Variants in SEMA6D observed in about 807,000 individuals in gnomAD.
SEMA6D encodes semaphorin 6D, also known as semaphorin-6D.
Under a neutral mutation model 106.6 loss-of-function variants are expected in SEMA6D, and 35 were observed. The ratio of observed to expected loss-of-function variants is 0.33; its 90% CI spans 0.25 to 0.44. SEMA6D has a LOEUF of 0.44. Among genes scored for constraint, SEMA6D ranks in the 20% least tolerant of loss-of-function variants. The pLI, the probability that SEMA6D is intolerant of heterozygous loss-of-function variation, is 1.00. For missense variants in SEMA6D, 1,185 were observed against 1,345.9 expected, an observed-to-expected ratio of 0.88 and a Z score of 1.87; for synonymous variants, 499 against 487.7, an observed-to-expected ratio of 1.02 and a Z score of -0.31.
intron 1 of SEMA6D, among the ~76,000 whole-genome samples, chr15:47,290,935 T>C (rs2035569984): frequency 6.6e-6 from 1 of 152,222 alleles, no homozygotes; most frequent in Non-Finnish European, 1.5e-5. Flanking sequence ...TACAAAGACA[T>C]GGAAATAGCC....
chr15:47,400,395 A>T (rs1313024007), intron 1 of SEMA6D, among the ~76,000 whole-genome samples: 1 of 151,140 alleles, frequency 6.6e-6, no homozygotes, highest in Non-Finnish European at 1.5e-5. Flanking sequence ...AGGCTGAGGC[A>T]GGAGAATTGA....
At chr15:47,501,048 A>G (rs1018044478) in intron 3 of SEMA6D, among the ~76,000 whole-genome samples, 1 of 152,130 alleles carries the variant, frequency 6.6e-6, no homozygotes, top group Non-Finnish European at 1.5e-5. Context: ...GGGTATTTCT[A>G]GAAAAGGCAA....
At chr15:47,498,362 G>A (rs1296800100) in intron 3 of SEMA6D, among the ~76,000 whole-genome samples, 1 of 151,998 alleles carries the variant, frequency 6.6e-6, no homozygotes, top group African/African-American at 2.4e-5. Context: ...GGGAAATTTG[G>A]TTTTGGTACC....
At chr15:47,476,021 G>A (rs1037303054) in intron 3 of SEMA6D, among the ~76,000 whole-genome samples, 3 of 152,152 alleles carry the variant, frequency 2.0e-5, no homozygotes, top group East Asian at 3.9e-4. Flanking sequence ...AATTGTTGGT[G>A]AAACCTGTGC....
intron 1 of SEMA6D, among the ~76,000 whole-genome samples, chr15:47,217,938 G>C (rs1399725293): frequency 6.7e-6 from 1 of 149,030 alleles, no homozygotes; most frequent in East Asian, 2.0e-4. Flanking sequence ...TAAATAACCT[G>C]AAGGGCTCCT....
chr15:47,765,775 T>A, intron 13 of SEMA6D, 94 bp from the exon 14 acceptor site: 1 of 1,226,632 alleles, frequency 8.2e-7, no homozygotes, highest in Non-Finnish European at 1.1e-6. Flanking sequence ...TTACCAAGAA[T>A]ATTCCTTATG....
intron 1 of SEMA6D, among the ~76,000 whole-genome samples, chr15:47,723,950 C>T (rs558181956): frequency 6.6e-6 from 1 of 152,294 alleles, no homozygotes; most frequent in African/African-American, 2.4e-5. Context: ...GAGGAACTGG[C>T]ACATAAGAAC....
chr15:47,221,356 A>C (rs2031191670), intron 1 of SEMA6D, among the ~76,000 whole-genome samples: 1 of 152,154 alleles, frequency 6.6e-6, no homozygotes, highest in African/African-American at 2.4e-5. Flanking sequence ...CTTCAGCATC[A>C]GGGATGTTAA....
chr15:47,251,236 A>G (rs1032069539), intron 1 of SEMA6D, among the ~76,000 whole-genome samples: 1 of 152,220 alleles, frequency 6.6e-6, no homozygotes, highest in Non-Finnish European at 1.5e-5. Flanking sequence ...CATCCTTTCT[A>G]TGATATTCCT....
intron 1 of SEMA6D, among the ~76,000 whole-genome samples, chr15:47,277,806 C>T (rs1430262643): frequency 1.3e-5 from 2 of 150,460 alleles, no homozygotes; most frequent in Non-Finnish European, 3.0e-5. Context: ...TGTTCCCCTT[C>T]CTGTGTCCAT....
chr15:47,459,815 A>G (rs2042449146), intron 2 of SEMA6D, among the ~76,000 whole-genome samples: 2 of 152,108 alleles, frequency 1.3e-5, no homozygotes, highest in Non-Finnish European at 2.9e-5. Flanking sequence ...TCTGGGTGAT[A>G]ACAAAGATAA....
chr15:47,706,267 A>G (rs1002320495), intron 4 of SEMA6D, among the ~76,000 whole-genome samples: 10 of 152,232 alleles, frequency 6.6e-5, no homozygotes, highest in Non-Finnish European at 1.3e-4. Context: ...ACATAGCACT[A>G]AATTACAGTT....
intron 1 of SEMA6D, among the ~76,000 whole-genome samples, chr15:47,321,443 T>G (rs2036918450): frequency 6.6e-6 from 1 of 152,230 alleles, no homozygotes; most frequent in African/African-American, 2.4e-5. Flanking sequence ...ATGTGGACAT[T>G]AACCACAATC....
intron 2 of SEMA6D, among the ~76,000 whole-genome samples, chr15:47,445,231 T>G (rs1365330586): frequency 6.6e-6 from 1 of 151,962 alleles, no homozygotes; most frequent in African/African-American, 2.4e-5. Context: ...AAAAGACAAC[T>G]TTTGGGTGAG....
intron 1 of SEMA6D, among the ~76,000 whole-genome samples, chr15:47,358,288 C>T (rs1315497229): frequency 1.3e-5 from 2 of 152,278 alleles, no homozygotes; most frequent in Non-Finnish European, 2.9e-5. Flanking sequence ...TATGGAAGAC[C>T]CGCTATGGAT....
At chr15:47,422,429 A>G (rs779903625) in intron 2 of SEMA6D, among the ~76,000 whole-genome samples, 3 of 152,010 alleles carry the variant, frequency 2.0e-5, no homozygotes, top group Non-Finnish European at 2.9e-5. Context: ...TGGGTATTCC[A>G]TGTCATTTAA....
intron 4 of SEMA6D, among the ~76,000 whole-genome samples, chr15:47,614,477 T>C (rs1346229170): frequency 1.3e-5 from 2 of 152,208 alleles, no homozygotes; most frequent in Non-Finnish European, 2.9e-5. Flanking sequence ...CTCTCCAGCT[T>C]CTTGTTCCCC....
chr15:47,646,189 G>GC (rs2077579606), intron 4 of SEMA6D, among the ~76,000 whole-genome samples: 1 of 152,020 alleles, frequency 6.6e-6, no homozygotes. Flanking sequence ...CTGGTGACCA[G>GC]CCCCCATCCT....
chr15:47,653,416 G>T (rs949659839), intron 4 of SEMA6D, among the ~76,000 whole-genome samples: 1 of 152,146 alleles, frequency 6.6e-6, no homozygotes, highest in Non-Finnish European at 1.5e-5. Flanking sequence ...TAATACTCAC[G>T]CATTCTTCTC....
Sources: allele counts gnomAD v4.1 joint callset (sites outside exome capture counted in the v4.1 genomes callset), GRCh38; gene constraint gnomAD v4.1.1; transcripts MANE v1.5; gene names NCBI Gene and HGNC (gene_info 2026-07-23, HGNC 2026-07-21).